WDR4: variants seen among roughly 807,000 people sequenced by gnomAD.
WDR4 encodes tRNA (guanine-N(7)-)-methyltransferase non-catalytic subunit WDR4.
A neutral mutation model predicts 48.6 loss-of-function variants in WDR4; 47 were observed. The ratio of observed to expected loss-of-function variants is 0.97; its 90% confidence interval spans 0.77 to 1.23. WDR4 has a LOEUF of 1.23. Among genes scored for constraint, WDR4 ranks in the 50% most tolerant of loss-of-function variants. WDR4 has a pLI of 0.00. For synonymous variants in WDR4, 268 were observed against 230.0 expected, an observed-to-expected ratio of 1.17 and a Z score of -1.49; for missense variants, 606 against 551.6, an observed-to-expected ratio of 1.10 and a Z score of -0.99.
At chr21:42,884,759 AT>A in the WDR4 span, among the ~76,000 whole-genome samples, 2 of 151,958 alleles carry the variant, frequency 1.3e-5, no homozygotes, top group Non-Finnish European at 2.9e-5. Flanking sequence ...CATCCTCACC[AT>A]CACTTGTTAT....
At chr21:42,859,782 G>T in intron 5 of WDR4, 60 bp from the exon 6 acceptor site, 1 of 1,508,634 alleles carries the variant, frequency 6.6e-7, no homozygotes, top group Non-Finnish European at 9.0e-7. Flanking sequence ...GGACCGGGAG[G>T]CCTGGGGAGG....
chr21:42,849,071 A>C (rs2057749299), downstream of WDR4, among the ~76,000 whole-genome samples: 1 of 127,322 alleles, frequency 7.9e-6, no homozygotes. Context: ...CCACACACAC[A>C]GCGCACGATC....
rs1003922180 is a variant in WDR4 at position 42,879,318 on chromosome 21, G to A, written c.89+89C>T. The A allele has an allele frequency of 3.9e-6, 6 of 1,550,834 alleles. No homozygotes were observed. In the African/African-American group the frequency reaches 6.8e-5, roughly 18 times the overall value. On this transcript the variant is annotated intron_variant, in intron 1 of 10. Transcript: ENST00000398208. ...CCCGGGGTCACCCCAGAGTGGGTGC[G>A]ACCAGGCGGTGCGGGAGAAGCGGGG...
Position 42,850,047 on chromosome 21 carries a change from G to A in WDR4, c.*2C>T, listed in dbSNP as rs535465497. ...GGTGAGAGACACCACTGACCGCCAC[G>A]ATCAGCAACTTAGCGTCGCCTCCCC... is the stretch of plus-strand genomic sequence containing the variant. On this transcript the variant is annotated 3_prime_UTR_variant, in exon 11 of 11. Transcript: ENST00000398208. The A allele has an allele frequency of 3.2e-5, 51 of 1,613,566 alleles. No homozygotes were observed. Among genetic ancestry groups the A allele is most frequent in the East Asian group, 1.6e-4 (7 of 44,872 alleles).
chr21:42,867,165 C>A (rs1569329373), intron 3 of WDR4, among the ~76,000 whole-genome samples: 1 of 152,160 alleles, frequency 6.6e-6, no homozygotes, highest in Non-Finnish European at 1.5e-5. Context: ...CCAAGGTGGG[C>A]AGATCACCTG....
chr21:42,875,537 G>A (rs2058470602), intron 2 of WDR4, among the ~76,000 whole-genome samples: 1 of 152,060 alleles, frequency 6.6e-6, no homozygotes. Context: ...CCTGGCAACA[G>A]GGCAAGACTC....
intron 5 of WDR4, among the ~76,000 whole-genome samples, chr21:42,860,284 T>G (rs993622969): frequency 6.6e-6 from 1 of 152,198 alleles, no homozygotes; most frequent in Non-Finnish European, 1.5e-5. Flanking sequence ...CTGTCTCTGC[T>G]GAGCCCGGCC....
intron 6 of WDR4, among the ~76,000 whole-genome samples, chr21:42,858,732 G>A (rs1358037134): frequency 2.0e-5 from 3 of 152,154 alleles, no homozygotes. Flanking sequence ...ACCCTCTGGA[G>A]ATTATGGCCA....
In WDR4 at chr21:42,871,838, T is replaced by A. The variant is rs544028893; in HGVS notation, c.296+1713A>T. On this transcript the variant is annotated intron_variant, in intron 3 of 10. Transcript: ENST00000398208. The stretch of plus-strand genomic sequence containing the variant: ...CAAAGACACAAAAACATATTGTAAA[T>A]CACATATACATAAAAACATATATAG... 4.6e-5 allele frequency among the ~76,000 whole-genome samples: 7 copies of A among 152,156 alleles called. No individual in the cohort carries two copies. In the South Asian group the frequency reaches 1.4e-3, roughly 31 times the overall value.
upstream of WDR4, among the ~76,000 whole-genome samples, chr21:42,883,441 G>A (rs1326537154): frequency 3.3e-5 from 5 of 151,878 alleles, no homozygotes; most frequent in African/African-American, 7.3e-5. Context: ...TGGTTGTAGT[G>A]GGTTGAAAGG....
At chr21:42,852,353 CAG>C (rs1260726597) in intron 9 of WDR4, 29 bp from the exon 10 acceptor site, 1 of 1,610,960 alleles carries the variant, frequency 6.2e-7, no homozygotes, top group Non-Finnish European at 8.5e-7. Flanking sequence ...AAATCTTCAT[CAG>C]AAAGAGGCAG....
Position 42,873,643 on chromosome 21 carries a change from G to C in WDR4, c.204C>G (p.Thr68=). ...CAAAATAGCTGCCAGACTTGGAGAAGGTGGACGCCAGAATCGCACCGCTCC... is the reference window on the plus strand; with the variant it reads ...CAAAATAGCTGCCAGACTTGGAGAACGTGGACGCCAGAATCGCACCGCTCC... ...DQGSGAILAS[T]FSKSGSYFAL... is the part of the protein sequence containing the mutation. The change falls in exon 3 of 11, where the codon ACC becomes ACG. Residue 68 remains threonine (T), a synonymous_variant. Coordinates refer to ENST00000398208, the MANE Select transcript of WDR4 (RefSeq NM_018669.6). The C allele has an allele frequency of 6.2e-7, 1 of 1,614,160 alleles. No individual in the cohort carries two copies. The highest frequency in any genetic ancestry group is 8.5e-7 in the Non-Finnish European group (1 of 1,180,040).
chr21:42,885,056 G>A, the WDR4 span, among the ~76,000 whole-genome samples: 3 of 152,092 alleles, frequency 2.0e-5, no homozygotes, highest in South Asian at 4.1e-4. Flanking sequence ...GATTACAGGC[G>A]TGAACCAACG....
intron 6 of WDR4, among the ~76,000 whole-genome samples, chr21:42,857,744 CAAG>C (rs2058028088): frequency 6.6e-6 from 1 of 152,186 alleles, no homozygotes; most frequent in East Asian, 1.9e-4. Context: ...GGCAATCTCC[CAAG>C]AAGTAAGACT....
intron 6 of WDR4, among the ~76,000 whole-genome samples, chr21:42,858,141 T>C (rs988893879): frequency 1.3e-5 from 2 of 152,016 alleles, no homozygotes; most frequent in African/African-American, 2.4e-5. Context: ...ACACAAGCTT[T>C]AGAAAAAGTG....
At chr21:42,865,923 G>A (rs919919337) in intron 3 of WDR4, among the ~76,000 whole-genome samples, 4 of 151,962 alleles carry the variant, frequency 2.6e-5, no homozygotes, top group African/African-American at 9.7e-5. Context: ...CCCCTCCAGA[G>A]AGCCGCCTGG....
intron 2 of WDR4, among the ~76,000 whole-genome samples, chr21:42,875,916 C>CTTTGT (rs2058479054): frequency 9.5e-6 from 1 of 104,904 alleles, no homozygotes; most frequent in Non-Finnish European, 1.8e-5. Flanking sequence ...TAACACTGTG[C>CTTTGT]TTTTTTTTTT....
intron 5 of WDR4, among the ~76,000 whole-genome samples, chr21:42,860,711 C>T (rs963009028): frequency 6.6e-6 from 1 of 152,268 alleles, no homozygotes; most frequent in Non-Finnish European, 1.5e-5. Context: ...CAGTTCTCAA[C>T]GGTTTGAAAG....
chr21:42,872,043 G>A (rs868509485), intron 3 of WDR4, among the ~76,000 whole-genome samples: 1 of 151,780 alleles, frequency 6.6e-6, no homozygotes, highest in African/African-American at 2.4e-5. Context: ...GGAGTGCAAC[G>A]GCATGATCTC....
Sources: allele counts gnomAD v4.1 joint callset (sites outside exome capture counted in the v4.1 genomes callset), GRCh38; gene constraint gnomAD v4.1.1; transcripts MANE v1.5; gene names NCBI Gene and HGNC (gene_info 2026-07-23, HGNC 2026-07-21).